The following ADCY1 variants were observed in gnomAD, a reference collection of about 807,000 sequenced individuals.
ADCY1 encodes adenylate cyclase type 1.
Under a neutral mutation model 105.4 loss-of-function variants are expected in ADCY1, and 28 were observed. The ratio of observed to expected loss-of-function variants is 0.27; its 90% CI spans 0.20 to 0.36. The LOEUF (loss-of-function observed/expected upper bound fraction) is 0.36. Ranked by LOEUF, ADCY1 falls within the 10% of genes least tolerant of loss-of-function variation. The pLI, the probability that ADCY1 is intolerant of heterozygous loss-of-function variation, is 1.00. For synonymous variants in ADCY1, 655 were observed against 623.8 expected, an observed-to-expected ratio of 1.05 and a Z score of -0.75; for missense variants, 977 against 1,434.2, an observed-to-expected ratio of 0.68 and a Z score of 5.15.
chr7:45,598,518 CAGATAAAGCAGGGATTAAAAAT>C (rs1793136144), intron 2 of ADCY1, among the ~76,000 whole-genome samples: 1 of 152,028 alleles, frequency 6.6e-6, no homozygotes, highest in Non-Finnish European at 1.5e-5. Context: ...AGAAAGGCTG[CAGATAAAGCAGGGATTAAAAAT>C]AGATAATAGG....
At chr7:45,682,246 A>G (rs915571401) in intron 11 of ADCY1, among the ~76,000 whole-genome samples, 3 of 152,120 alleles carry the variant, frequency 2.0e-5, no homozygotes, top group Non-Finnish European at 4.4e-5. Context: ...CCCGGGAATC[A>G]GGGTGGGGAG....
chr7:45,574,295 A>C, upstream of ADCY1: 1 of 274,572 alleles, frequency 3.6e-6, no homozygotes. This position sits in a 1 kb window ranked among gnomAD's most constrained non-coding sequence, Gnocchi z 7.0. Context: ...CGGCTGTCGC[A>C]GCGCGGTCGC....
Position 45,662,049 on chromosome 7 carries a change from G to A in ADCY1, c.1450-10G>A, listed in dbSNP as rs1188672426. On this transcript the variant is annotated splice_polypyrimidine_tract_variant and intron_variant, in intron 7 of 19. Coordinates refer to ENST00000297323, the MANE Select transcript of ADCY1 (RefSeq NM_021116.4). ...CAGCATTTCTCCTTGCCCCTTGTGT[G>A]TTTGGACAGATATTTCCAGGCCTGA... The A allele has an allele frequency of 6.2e-7, 1 of 1,613,158 alleles. No individual in the cohort carries two copies. Among genetic ancestry groups the A allele is most frequent in the Admixed American group, 1.7e-5 (1 of 59,974 alleles).
At chr7:45,711,943 A>ATATAT (rs561008590) in intron 19 of ADCY1, among the ~76,000 whole-genome samples, 71 of 58,362 alleles carry the variant, frequency 1.2e-3, no homozygotes, top group African/African-American at 1.9e-3. Context: ...AAATATATAA[A>ATATAT]TACATATTAT....
chr7:45,609,975 G>C (rs1216677710), intron 2 of ADCY1, among the ~76,000 whole-genome samples: 1 of 152,172 alleles, frequency 6.6e-6, no homozygotes, highest in East Asian at 1.9e-4. Context: ...GGACTCTGTG[G>C]GTACCTCAGG....
rs1562731600 is a variant in ADCY1, at chr7:45,703,420, C to G, written c.2499C>G (p.Asn833Lys). The G allele has an allele frequency of 6.2e-7, 1 of 1,614,104 alleles. No homozygotes were observed. Among genetic ancestry groups the G allele is most frequent in the Non-Finnish European group, 8.5e-7 (1 of 1,179,998 alleles). The change falls in exon 15 of 20, where the codon AAC becomes AAG. Residue 833 changes from asparagine to lysine, a missense_variant. Around this residue, in one of 7 missense-constraint regions of ADCY1, gnomAD observed 152 missense variants for 293.7 expected, o/e 0.52. Coordinates refer to ENST00000297323, the MANE Select transcript of ADCY1 (RefSeq NM_021116.4). This position sits in a 1 kb window ranked among gnomAD's most constrained non-coding sequence, Gnocchi z 5.9. ...ACATGGAGAAGGTGAAGCTGGACAA[C>G]AGGCGCATCCTCTTCAACCTCCTGC... is the stretch of plus-strand genomic sequence containing the variant. Reference protein sequence around the residue: ...REDMEKVKLDNRRILFNLLPA... With the variant: ...REDMEKVKLDKRRILFNLLPA...
intron 4 of ADCY1, among the ~76,000 whole-genome samples, chr7:45,646,699 G>A (rs1794674696): frequency 6.6e-6 from 1 of 152,232 alleles, no homozygotes; most frequent in Non-Finnish European, 1.5e-5. Flanking sequence ...ACAGGCTCAT[G>A]TCAGCTGCAG....
intron 5 of ADCY1, among the ~76,000 whole-genome samples, chr7:45,654,597 G>T (rs1584306651): frequency 6.6e-6 from 1 of 152,330 alleles, no homozygotes; most frequent in Non-Finnish European, 1.5e-5. Flanking sequence ...TTTTAACAAG[G>T]GGGCTAGTGT....
chr7:45,609,557 T>C (rs967432654), intron 2 of ADCY1, among the ~76,000 whole-genome samples: 6 of 152,238 alleles, frequency 3.9e-5, no homozygotes, highest in Non-Finnish European at 8.8e-5. Context: ...ATTTAAACTC[T>C]GCTCTTTTGC....
chr7:45,686,177 C>T lies in ADCY1; in HGVS notation c.2289C>T (p.Tyr763=), dbSNP rs369554390. 1.2e-6 allele frequency: 2 copies of T among 1,614,138 alleles called. No individual in the cohort carries two copies. The highest frequency in any genetic ancestry group is 1.7e-6 in the Non-Finnish European group (2 of 1,180,004). Residue 763 remains tyrosine (Y), a synonymous_variant, in exon 13 of 20, where the codon TAC becomes TAT. Transcript: ENST00000297323. The surrounding 1 kb of genome is among the most constrained non-coding windows in gnomAD (Gnocchi z 4.3). ...TGCTCTCCGGGCTCACCACGTCCTA[C>T]ATCCTCGTTCTGGAGCTCAGCGGAT... ...MILLSGLTTS[Y]ILVLELSGYT...
intron 2 of ADCY1, among the ~76,000 whole-genome samples, chr7:45,596,160 T>C (rs952259486): frequency 3.9e-5 from 6 of 152,236 alleles, no homozygotes; most frequent in Non-Finnish European, 8.8e-5. Context: ...GAAACGCCAG[T>C]CTCCTGAATG....
At chr7:45,689,712 C>T (rs1784751840) in intron 14 of ADCY1, among the ~76,000 whole-genome samples, 1 of 152,186 alleles carries the variant, frequency 6.6e-6, no homozygotes, top group Non-Finnish European at 1.5e-5. Context: ...TGACTTATCA[C>T]CAGAGGAATG....
chr7:45,596,781 A>C (rs891986934), intron 2 of ADCY1, among the ~76,000 whole-genome samples: 10 of 152,140 alleles, frequency 6.6e-5, no homozygotes, highest in Non-Finnish European at 1.3e-4. Flanking sequence ...CTTGACCGGT[A>C]GAGAGTGGGG....
At chr7:45,624,696 C>G (rs986481314) in intron 4 of ADCY1, among the ~76,000 whole-genome samples, 1 of 152,184 alleles carries the variant, frequency 6.6e-6, no homozygotes, top group African/African-American at 2.4e-5. Flanking sequence ...CTTGTCTGGG[C>G]TGTCCACTAG....
At chr7:45,672,851 G>A (rs1252233432) in intron 8 of ADCY1, among the ~76,000 whole-genome samples, 1 of 152,056 alleles carries the variant, frequency 6.6e-6, no homozygotes, top group Non-Finnish European at 1.5e-5. Flanking sequence ...ATGCTGCATG[G>A]AAGTGGTGAG....
In ADCY1 at chr7:45,720,378, T is replaced by A. The variant is rs577029927; in HGVS notation, c.*6383T>A. On this transcript the variant is annotated 3_prime_UTR_variant, in exon 20 of 20. Coordinates refer to ENST00000297323, the MANE Select transcript of ADCY1 (RefSeq NM_021116.4). ...ATACAAAAAAAAAATTAGCTGGGCG[T>A]GTTGGCGGGAGCCTGTAGTCCCAGC... is the stretch of plus-strand genomic sequence containing the variant. The A allele has an allele frequency of 6.6e-6, 1 of 151,672 alleles. No individual in the cohort carries two copies. The highest frequency in any genetic ancestry group is 1.5e-5 in the Non-Finnish European group (1 of 67,954). The allele number at this position is 151,672 out of a possible 1,614,324, so 9.4% of individuals were successfully genotyped here.
chr7:45,615,186 G>A (rs1793704721), intron 3 of ADCY1, among the ~76,000 whole-genome samples: 1 of 152,116 alleles, frequency 6.6e-6, no homozygotes, highest in Admixed American at 6.5e-5. Flanking sequence ...TGATCACAGA[G>A]GGATGAAATT....
At chr7:45,592,676 T>A in intron 1 of ADCY1, 83 bp from the exon 2 acceptor site, 1 of 1,575,136 alleles carries the variant, frequency 6.3e-7, no homozygotes, top group Non-Finnish European at 8.7e-7. Flanking sequence ...GGAGAGCTCT[T>A]GCTATGCTCT....
At chr7:45,639,242 C>G (rs1471270585) in intron 4 of ADCY1, among the ~76,000 whole-genome samples, 3 of 152,158 alleles carry the variant, frequency 2.0e-5, no homozygotes, top group Admixed American at 1.3e-4. Flanking sequence ...TATTTTTGAC[C>G]TTTTCCCCAT....
Sources: gnomAD v4.1 joint callset for allele counts (sites outside exome capture counted in the v4.1 genomes callset) on GRCh38, gnomAD v4.1.1 for gene constraint, gnomAD v4.1.1 regional missense constraint, Gnocchi (gnomAD v3.1) non-coding constraint, MANE v1.5 for transcripts, NCBI Gene and HGNC (gene_info 2026-07-23, HGNC 2026-07-21) for gene names.